Variants in SDK2 observed in about 807,000 individuals in gnomAD.
SDK2 encodes the protein sidekick cell adhesion molecule 2.
SDK2 carries 105 observed loss-of-function variants against 253.9 expected under a neutral mutation model. The ratio of observed to expected loss-of-function variants is 0.41; its 90% confidence interval spans 0.35 to 0.49. The LOEUF (loss-of-function observed/expected upper bound fraction) is 0.49, where lower values mean the gene tolerates loss of function less well. Ranked by LOEUF, SDK2 falls within the 20% of genes least tolerant of loss-of-function variation. The pLI is 0.06. For missense variants in SDK2, 2,608 were observed against 3,003.0 expected, an observed-to-expected ratio of 0.87 and a Z score of 3.07; for synonymous variants, 1,249 against 1,234.9, an observed-to-expected ratio of 1.01 and a Z score of -0.24.
At chr17:73,466,715 G>A (rs1872084) in intron 3 of SDK2, among the ~76,000 whole-genome samples, 5 of 107,024 alleles carry the variant, frequency 4.7e-5, no homozygotes, top group South Asian at 2.9e-4. Context: ...TCTGGGGAAC[G>A]CCCCCCCCCC....
At position 73,480,861 on chromosome 17, in the gene SDK2, C is replaced by T. The variant is rs1324172178; in HGVS notation, c.225-8643G>A. Among the ~76,000 whole-genome samples the T allele has an allele frequency of 3.9e-5, 6 of 152,304 alleles. No individual in the cohort carries two copies. In the East Asian group the frequency reaches 1.2e-3, roughly 29 times the overall value. ...TGGCCAGGGAGGGTGATGTCAGCTG[C>T]ACCCTGTGGTGAGGACAGCCAGGGC... On this transcript the variant is annotated intron_variant, in intron 2 of 44. Coordinates refer to ENST00000392650, the MANE Select transcript of SDK2 (RefSeq NM_001144952.2).
chr17:73,569,021 C>A (rs1036245302), intron 1 of SDK2, among the ~76,000 whole-genome samples: 3 of 152,134 alleles, frequency 2.0e-5, no homozygotes, highest in Non-Finnish European at 4.4e-5. Context: ...ATAGTAACCA[C>A]AAGAACCAGG....
In SDK2 at chr17:73,337,208, C is replaced by G. The variant is rs4969104; in HGVS notation, c.*1379G>C. 6.6e-6 allele frequency: 1 copy of G among 152,490 alleles called. No individual in the cohort carries two copies. Among genetic ancestry groups the G allele is most frequent in the East Asian group, 1.9e-4 (1 of 5,178 alleles). The allele number at this position is 152,490 out of a possible 1,614,324, so 9.4% of individuals were successfully genotyped here. A position where few individuals can be genotyped will look rare whatever the true frequency, so the allele number is the denominator to read the frequency against. ...TTCCTGACCTGCCCCTTCCCCTCCC[C>G]GCCCTGGCCAGGCGGAGCCCAGCCT... On this transcript the variant is annotated 3_prime_UTR_variant, in exon 45 of 45. Coordinates refer to ENST00000392650, the MANE Select transcript of SDK2 (RefSeq NM_001144952.2).
chr17:73,471,525 G>T (rs937429280), intron 3 of SDK2, among the ~76,000 whole-genome samples: 2 of 152,184 alleles, frequency 1.3e-5, no homozygotes, highest in Admixed American at 6.5e-5. Flanking sequence ...CTTGAACCTG[G>T]AAGCGGAGGT....
Position 73,609,836 on chromosome 17 carries a change from C to A in SDK2, c.64+34189G>T, listed in dbSNP as rs1394082629. ...CAGAAAACCTCGAGAGCCCCCAGGGCCCAAGGAGACAGAGTCCCTGCTGGC... is the reference window on the plus strand; with the variant it reads ...CAGAAAACCTCGAGAGCCCCCAGGGACCAAGGAGACAGAGTCCCTGCTGGC... On this transcript the variant is annotated intron_variant, in intron 1 of 44. Coordinates refer to ENST00000392650, the MANE Select transcript of SDK2 (RefSeq NM_001144952.2). This position sits in a 1 kb window ranked among gnomAD's most constrained non-coding sequence, Gnocchi z 4.4. Among the ~76,000 whole-genome samples, 3 of 152,174 alleles carry A rather than the reference C, an allele frequency of 2.0e-5. No homozygotes were observed. In the East Asian group the frequency reaches 5.8e-4, roughly 29 times the overall value.
At chr17:73,635,849 C>A (rs2046323142) in intron 1 of SDK2, among the ~76,000 whole-genome samples, 1 of 151,628 alleles carries the variant, frequency 6.6e-6, no homozygotes, top group Admixed American at 6.6e-5. Context: ...CATCCCAACC[C>A]CAGAGAGAGA....
At chr17:73,529,873 C>A (rs1267399599) in intron 1 of SDK2, among the ~76,000 whole-genome samples, 1 of 152,200 alleles carries the variant, frequency 6.6e-6, no homozygotes, top group African/African-American at 2.4e-5. Context: ...ATTTTTGTTA[C>A]TTGAGCCACC....
intron 1 of SDK2, among the ~76,000 whole-genome samples, chr17:73,602,679 G>A (rs965998897): frequency 9.9e-5 from 15 of 152,064 alleles, no homozygotes; most frequent in Non-Finnish European, 1.8e-4. Context: ...CTGTCCTTAA[G>A]TGAGAATGTT....
chr17:73,614,286 A>AG (rs1296270157), intron 1 of SDK2, among the ~76,000 whole-genome samples: 1 of 152,146 alleles, frequency 6.6e-6, no homozygotes, highest in African/African-American at 2.4e-5. Flanking sequence ...AAGTGCAGGA[A>AG]GGGGTCTCGC....
At chr17:73,508,479 C>G (rs771314704) in intron 1 of SDK2, among the ~76,000 whole-genome samples, 1 of 152,182 alleles carries the variant, frequency 6.6e-6, no homozygotes, top group Non-Finnish European at 1.5e-5. Context: ...AGGGGAGGGG[C>G]TCTAATCCGT....
intron 6 of SDK2, among the ~76,000 whole-genome samples, chr17:73,440,010 T>A (rs532332681): frequency 6.6e-6 from 1 of 152,042 alleles, no homozygotes; most frequent in South Asian, 2.1e-4. Flanking sequence ...AGGGGTTTCA[T>A]AATTGTTTCC....
chr17:73,500,366 C>G (rs1482840309), intron 2 of SDK2, among the ~76,000 whole-genome samples: 1 of 145,632 alleles, frequency 6.9e-6, no homozygotes, highest in African/African-American at 2.6e-5. Context: ...TCTCCTCCAT[C>G]CTTCTCCATC....
At chr17:73,399,445 G>C (rs1228499000) in intron 21 of SDK2, among the ~76,000 whole-genome samples, 156 bp from the exon 22 acceptor site, 1 of 152,216 alleles carries the variant, frequency 6.6e-6, no homozygotes. Flanking sequence ...CACAGTCTTT[G>C]TTCCTGTGTC....
In SDK2 at chr17:73,609,503, G is replaced by T. The variant is rs1361996889; in HGVS notation, c.64+34522C>A. ...GGTTTAAGACAGAAAGGGAAGACAG[G>T]AATTAGAGACAGGGGCATTAGCAAC... On this transcript the variant is annotated intron_variant, in intron 1 of 44. Coordinates refer to ENST00000392650, the MANE Select transcript of SDK2 (RefSeq NM_001144952.2). The surrounding 1 kb of genome is among the most constrained non-coding windows in gnomAD (Gnocchi z 4.4). Among the ~76,000 whole-genome samples the T allele has an allele frequency of 6.6e-6, 1 of 152,202 alleles. No homozygotes were observed.
chr17:73,402,799 ATTTATT>A (rs984240442), intron 18 of SDK2, among the ~76,000 whole-genome samples: 1 of 151,464 alleles, frequency 6.6e-6, no homozygotes, highest in African/African-American at 2.4e-5. Context: ...TTATTTATTT[ATTTATT>A]TTTATTTTTT....
chr17:73,410,724 T>A (rs1230056190), intron 18 of SDK2, among the ~76,000 whole-genome samples: 1 of 152,114 alleles, frequency 6.6e-6, no homozygotes, highest in Non-Finnish European at 1.5e-5. Context: ...AAGTGTGAGG[T>A]CTCCTTACTC....
At chr17:73,636,680 C>CAAAAAAAAAAAAAAAAAA (rs561026344) in intron 1 of SDK2, among the ~76,000 whole-genome samples, 1 of 50,988 alleles carries the variant, frequency 2.0e-5, no homozygotes, top group Non-Finnish European at 3.6e-5. Context: ...GACTCTGTCT[C>CAAAAAAAAAAAAAAAAAA]AAAAAAAAAA....
At chr17:73,595,861 C>T (rs960555867) in intron 1 of SDK2, among the ~76,000 whole-genome samples, 4 of 152,308 alleles carry the variant, frequency 2.6e-5, no homozygotes, top group Admixed American at 2.0e-4. Context: ...GCTGGGAGGA[C>T]AGGCTCCATC....
At position 73,578,049 on chromosome 17, in the gene SDK2, C is replaced by A. The variant is rs1156739010; in HGVS notation, c.64+65976G>T. Among the ~76,000 whole-genome samples, 3 of 150,526 alleles carry A rather than the reference C, an allele frequency of 2.0e-5. No individual in the cohort carries two copies. In the East Asian group the frequency reaches 5.8e-4, roughly 29 times the overall value. ...TGGGTTCTCCTCCAGGGTCTTGAGCCCTATGGACATCTTTTTTTTTTTTTT... is the reference window on the plus strand; with the variant it reads ...TGGGTTCTCCTCCAGGGTCTTGAGCACTATGGACATCTTTTTTTTTTTTTT... On this transcript the variant is annotated intron_variant, in intron 1 of 44. Transcript: ENST00000392650.
Sources: allele counts gnomAD v4.1 joint callset (sites outside exome capture counted in the v4.1 genomes callset), GRCh38; gene constraint gnomAD v4.1.1; non-coding constraint Gnocchi (gnomAD v3.1); transcripts MANE v1.5; gene names NCBI Gene and HGNC (gene_info 2026-07-23, HGNC 2026-07-21).